Variants in RPS6KC1 observed in about 807,000 individuals in gnomAD.
RPS6KC1 encodes the protein inactive ribosomal protein S6 kinase delta-1.
RPS6KC1 carries 54 observed loss-of-function variants against 103.8 expected under a neutral mutation model. That is an observed-to-expected ratio of 0.52 (90% CI 0.42 to 0.65). RPS6KC1 has a LOEUF of 0.65. Among genes scored for constraint, RPS6KC1 ranks in the 30% least tolerant of loss-of-function variants. RPS6KC1 has a pLI of 0.00. For missense variants in RPS6KC1, 1,151 were observed against 1,253.8 expected (o/e 0.92, Z 1.24); for synonymous variants, 439 against 438.7 (o/e 1.00, Z -0.01).
At chr1:213,728,944 TTTTG>T in the RPS6KC1 span, among the ~76,000 whole-genome samples, 827 of 100,720 alleles carry the variant, frequency 8.2e-3, 146 homozygotes, top group African/African-American at 0.039. Flanking sequence ...AGGGTTTTTT[TTTTG>T]TTTTTTTTTT....
At chr1:213,850,926 GAC>G in the RPS6KC1 span, among the ~76,000 whole-genome samples, 2 of 151,094 alleles carry the variant, frequency 1.3e-5, no homozygotes, top group Non-Finnish European at 2.9e-5. Flanking sequence ...TTTATTTTCT[GAC>G]AGTCAGAAAC....
chr1:213,385,715 C>T, the RPS6KC1 span, among the ~76,000 whole-genome samples: 1 of 152,134 alleles, frequency 6.6e-6, no homozygotes, highest in African/African-American at 2.4e-5. Context: ...GTAGACCTCA[C>T]CAGGACAGGT....
the RPS6KC1 span, among the ~76,000 whole-genome samples, chr1:213,363,668 TTCTTTCTTTC>T: frequency 2.0e-5 from 2 of 100,624 alleles, no homozygotes; most frequent in East Asian, 2.2e-4. Context: ...CTTTCTTTCT[TTCTTTCTTTC>T]TTTCTTTCTT....
the RPS6KC1 span, among the ~76,000 whole-genome samples, chr1:213,573,546 A>C: frequency 3.3e-5 from 5 of 152,212 alleles, no homozygotes; most frequent in Non-Finnish European, 1.5e-5. Context: ...AGTGAAAAGA[A>C]GCAGGGAAAA....
At chr1:213,755,071 T>C in the RPS6KC1 span, among the ~76,000 whole-genome samples, 1 of 152,176 alleles carries the variant, frequency 6.6e-6, no homozygotes, top group Admixed American at 6.5e-5. Flanking sequence ...ATAGTCATTA[T>C]TAGGAAGTGC....
At position 213,235,504 on chromosome 1, in the gene RPS6KC1, T is replaced by A. The variant is rs147555476; in HGVS notation, c.1225+3249T>A. Among the ~76,000 whole-genome samples, 998 of 152,184 alleles carry A rather than the reference T, an allele frequency of 6.6e-3. 12 individuals carry two copies. The highest frequency in any genetic ancestry group is 0.023 in the African/African-American group (948 of 41,524). ...GCTATTTTATATAGGGTGGTCATCTTATTGAGAAGGGACATTTGACCAGAG... is the reference window on the plus strand; with the variant it reads ...GCTATTTTATATAGGGTGGTCATCTAATTGAGAAGGGACATTTGACCAGAG... On this transcript the variant is annotated intron_variant, in intron 10 of 14. Transcript: ENST00000366960.
intron 3 of RPS6KC1, among the ~76,000 whole-genome samples, chr1:213,100,263 T>C (rs1244356360): frequency 6.9e-6 from 1 of 145,568 alleles, no homozygotes; most frequent in Non-Finnish European, 1.5e-5. Context: ...ATATCCTTTT[T>C]TTTTGAAGTA....
chr1:213,343,440 T>TATATATATATATATATAC, the RPS6KC1 span, among the ~76,000 whole-genome samples: 3 of 80,414 alleles, frequency 3.7e-5, 1 homozygote, highest in African/African-American at 1.5e-4. Context: ...TATATATATA[T>TATATATATATATATATAC]ACATACCATG....
chr1:213,789,516 C>T, the RPS6KC1 span, among the ~76,000 whole-genome samples: 1 of 152,146 alleles, frequency 6.6e-6, no homozygotes, highest in Non-Finnish European at 1.5e-5. Context: ...TGTCCTGACA[C>T]GTAGCTACGT....
the RPS6KC1 span, among the ~76,000 whole-genome samples, chr1:213,709,107 ATAGTTTTAGGAGGAATGATACCAGCT>A: frequency 6.6e-6 from 1 of 152,154 alleles, no homozygotes; most frequent in African/African-American, 2.4e-5. Context: ...ATTGTTTTGA[ATAGTTTTAGGAGGAATGATACCAGCT>A]CCTCTTTGTA....
the RPS6KC1 span, among the ~76,000 whole-genome samples, chr1:213,765,791 GGA>G: frequency 6.6e-6 from 1 of 151,952 alleles, no homozygotes; most frequent in African/African-American, 2.4e-5. Context: ...CTAAGAAACT[GGA>G]AACCATTCCC....
At chr1:213,530,515 G>A in the RPS6KC1 span, among the ~76,000 whole-genome samples, 2 of 115,092 alleles carry the variant, frequency 1.7e-5, no homozygotes, top group African/African-American at 5.3e-5. Flanking sequence ...TAGAGTCAGA[G>A]CAGCTAACCA....
At chr1:213,298,191 G>A in the RPS6KC1 span, among the ~76,000 whole-genome samples, 3 of 152,318 alleles carry the variant, frequency 2.0e-5, no homozygotes, top group Non-Finnish European at 2.9e-5. Flanking sequence ...CGTCTTCTAC[G>A]TTCTAGCAAA....
chr1:213,793,919 GT>G, the RPS6KC1 span, among the ~76,000 whole-genome samples: 1 of 152,054 alleles, frequency 6.6e-6, no homozygotes, highest in Non-Finnish European at 1.5e-5. Flanking sequence ...CCCCAGAAAT[GT>G]CTGTGATAAT....
chr1:213,319,293 A>G, the RPS6KC1 span, among the ~76,000 whole-genome samples: 1 of 124,826 alleles, frequency 8.0e-6, no homozygotes, highest in Non-Finnish European at 1.7e-5. Flanking sequence ...AGCTTAGGTG[A>G]CAGAGCGAGA....
At chr1:213,299,287 C>T in the RPS6KC1 span, among the ~76,000 whole-genome samples, 9 of 152,194 alleles carry the variant, frequency 5.9e-5, no homozygotes, top group Admixed American at 2.6e-4. Flanking sequence ...CAGTGGCTCA[C>T]GCCTGTAATC....
At chr1:213,653,483 C>T in the RPS6KC1 span, among the ~76,000 whole-genome samples, 1 of 151,956 alleles carries the variant, frequency 6.6e-6, no homozygotes, top group Non-Finnish European at 1.5e-5. Flanking sequence ...TACTAGCATT[C>T]TTAATTTTCT....
intron 8 of RPS6KC1, among the ~76,000 whole-genome samples, chr1:213,211,318 C>T (rs938012861): frequency 3.9e-5 from 6 of 152,150 alleles, no homozygotes; most frequent in African/African-American, 9.7e-5. Context: ...TAGCATAATC[C>T]GTTTATGGCC....
At chr1:213,563,326 T>C in the RPS6KC1 span, among the ~76,000 whole-genome samples, 4 of 152,132 alleles carry the variant, frequency 2.6e-5, no homozygotes, top group Admixed American at 1.3e-4. Context: ...TTCCATTCTT[T>C]TAATATTTTA....
Sources: allele counts gnomAD v4.1 joint callset (sites outside exome capture counted in the v4.1 genomes callset), GRCh38; gene constraint gnomAD v4.1.1; transcripts MANE v1.5; gene names NCBI Gene and HGNC (gene_info 2026-07-23, HGNC 2026-07-21).